The following TNRC6A variants were observed in gnomAD, a reference collection of about 807,000 sequenced individuals.
TNRC6A encodes the protein trinucleotide repeat containing adaptor 6A, also known as trinucleotide repeat-containing gene 6A protein.
A neutral mutation model predicts 221.2 loss-of-function variants in TNRC6A; 44 were observed. That is an observed-to-expected ratio of 0.20 (90% CI 0.16 to 0.26). The LOEUF (loss-of-function observed/expected upper bound fraction) is 0.26, where lower values mean the gene tolerates loss of function less well. Ranked by LOEUF, TNRC6A falls within the 10% of genes least tolerant of loss-of-function variation. The pLI, the probability that TNRC6A is intolerant of heterozygous loss-of-function variation, is 1.00. For missense variants in TNRC6A, 2,199 were observed against 2,404.4 expected, an observed-to-expected ratio of 0.91 and a Z score of 1.79; for synonymous variants, 847 against 838.5, an observed-to-expected ratio of 1.01 and a Z score of -0.18.
At chr16:24,816,794 A>G (rs759662982) in intron 19 of TNRC6A, 22 bp from the exon 20 acceptor site, 4 of 1,599,632 alleles carry the variant, frequency 2.5e-6, no homozygotes, top group South Asian at 2.3e-5. Context: ...GCTTTGAACT[A>G]ATTTTAAATT....
intron 2 of TNRC6A, among the ~76,000 whole-genome samples, chr16:24,667,979 T>G (rs1359190314): frequency 6.6e-6 from 1 of 152,090 alleles, no homozygotes; most frequent in African/African-American, 2.4e-5. Context: ...GAGCTAGGAT[T>G]GCACCACTGC....
chr16:24,649,037 T>C (rs1902471843), intron 2 of TNRC6A, among the ~76,000 whole-genome samples: 1 of 151,992 alleles, frequency 6.6e-6, no homozygotes, highest in African/African-American at 2.4e-5. Context: ...TCTCAACACT[T>C]TGGGGGACTG....
chr16:24,735,931 G>A (rs573513887), intron 2 of TNRC6A, among the ~76,000 whole-genome samples: 134 of 152,308 alleles, frequency 8.8e-4, no homozygotes, highest in Non-Finnish European at 1.6e-3. Context: ...TTGGGAGGCC[G>A]AGGTGGGCAG....
At chr16:24,643,262 T>C (rs1323690629) in intron 2 of TNRC6A, among the ~76,000 whole-genome samples, 2 of 151,220 alleles carry the variant, frequency 1.3e-5, no homozygotes, top group Non-Finnish European at 1.5e-5. Context: ...GAAGAAATCA[T>C]GCCTATTGCT....
chr16:24,651,556 A>AC (rs1249043196), intron 2 of TNRC6A, among the ~76,000 whole-genome samples: 1 of 142,726 alleles, frequency 7.0e-6, no homozygotes, highest in African/African-American at 2.8e-5. Context: ...AAAAAAAAAA[A>AC]AAAAAAAACA....
chr16:24,661,848 A>T (rs528551527), intron 2 of TNRC6A: 3 of 152,348 alleles, frequency 2.0e-5, no homozygotes, highest in South Asian at 4.1e-4. Flanking sequence ...CAGAGACACG[A>T]TCATGTTTCT....
At chr16:24,810,022 A>T (rs556707109) in intron 18 of TNRC6A, among the ~76,000 whole-genome samples, 1 of 152,360 alleles carries the variant, frequency 6.6e-6, no homozygotes, top group African/African-American at 2.4e-5. Flanking sequence ...CATGCTGGCC[A>T]GGCTGGTCTC....
chr16:24,716,597 A>C (rs1471289690), intron 2 of TNRC6A, among the ~76,000 whole-genome samples: 1 of 151,976 alleles, frequency 6.6e-6, no homozygotes, highest in East Asian at 1.9e-4. Flanking sequence ...TGCACCTGGG[A>C]GGTAGTCAAG....
chr16:24,639,203 G>T (rs113155245), intron 1 of TNRC6A, among the ~76,000 whole-genome samples: 1 of 152,114 alleles, frequency 6.6e-6, no homozygotes, highest in East Asian at 1.9e-4. Context: ...TGAGAAAGAC[G>T]GCTGCGTGTG....
At chr16:24,754,654 CT>C (rs1382042067) in intron 3 of TNRC6A, among the ~76,000 whole-genome samples, 1 of 152,012 alleles carries the variant, frequency 6.6e-6, no homozygotes. Flanking sequence ...TCCAAGGGAT[CT>C]TAAGGGAAAT....
intron 2 of TNRC6A, among the ~76,000 whole-genome samples, chr16:24,705,001 T>G (rs1382963139): frequency 6.6e-6 from 1 of 152,034 alleles, no homozygotes; most frequent in Non-Finnish European, 1.5e-5. Flanking sequence ...GAACTTAAAT[T>G]TTTTTTAATT....
intron 2 of TNRC6A, 51 bp downstream of exon 2, chr16:24,730,351 T>C: frequency 6.3e-7 from 1 of 1,587,048 alleles, no homozygotes; most frequent in Non-Finnish European, 8.6e-7. Flanking sequence ...CGTATATTTC[T>C]ACTCCGATTC....
intron 2 of TNRC6A, among the ~76,000 whole-genome samples, chr16:24,670,525 G>A (rs1439146184): frequency 6.6e-6 from 1 of 152,132 alleles, no homozygotes; most frequent in South Asian, 2.1e-4. Context: ...ATATTTAAAT[G>A]ATGTCTTAGT....
intron 18 of TNRC6A, among the ~76,000 whole-genome samples, chr16:24,813,812 A>G (rs1269386850): frequency 1.3e-5 from 2 of 152,206 alleles, no homozygotes; most frequent in East Asian, 3.8e-4. Flanking sequence ...CTGCCTCGTT[A>G]TATCATCTGT....
chr16:24,795,803 C>G, intron 8 of TNRC6A, 104 bp from the exon 9 acceptor site: 3 of 1,122,216 alleles, frequency 2.7e-6, no homozygotes, highest in Non-Finnish European at 2.5e-6. Flanking sequence ...GTTGCGATAA[C>G]TAGTAAGCGA....
At chr16:24,626,559 C>T (rs1167592341) in intron 1 of TNRC6A, among the ~76,000 whole-genome samples, 1 of 151,762 alleles carries the variant, frequency 6.6e-6, no homozygotes, top group East Asian at 1.9e-4. Context: ...CTGATGAAAT[C>T]GTAGCTCCAG....
At chr16:24,625,091 T>C (rs1324674571) in intron 1 of TNRC6A, among the ~76,000 whole-genome samples, 1 of 152,300 alleles carries the variant, frequency 6.6e-6, no homozygotes, top group East Asian at 1.9e-4. Flanking sequence ...GGTGGAGAAA[T>C]GTTATCTCTA....
In TNRC6A at chr16:24,612,819, G is replaced by A. The variant is rs1221111810; in HGVS notation, n.276+2335G>A. Among the ~76,000 whole-genome samples, 6 of 152,004 alleles carry A rather than the reference G, an allele frequency of 3.9e-5. No individual in the cohort carries two copies. In the East Asian group the frequency reaches 9.6e-4, roughly 24 times the overall value. On this transcript the variant is annotated intron_variant and non_coding_transcript_variant, in intron 1 of 2. Transcript: ENST00000566108. ...CAAGTTTGGGGCTACATTTGTGAAC[G>A]AAACAGAGACACTCTATTCTCATGG...
At position 24,826,082 on chromosome 16, in the gene TNRC6A, T is replaced by C. The variant is rs2058853470; in HGVS notation, c.*2275T>C. On this transcript the variant is annotated 3_prime_UTR_variant, in exon 25 of 25. Transcript: ENST00000395799. ...TTTGAAAAACCATGTCTGGAAATGT[T>C]TGGAGCGTTAAGCTGATTGACCTTC... The C allele has an allele frequency of 6.5e-6, 1 of 152,690 alleles. No homozygotes were observed. Among genetic ancestry groups the C allele is most frequent in the African/African-American group, 2.4e-5 (1 of 41,472 alleles). The allele number at this position is 152,690 out of a possible 1,614,324, so 9.5% of individuals were successfully genotyped here. A position where few individuals can be genotyped will look rare whatever the true frequency, so the allele number is the denominator to read the frequency against.
Sources: allele counts gnomAD v4.1 joint callset (sites outside exome capture counted in the v4.1 genomes callset), GRCh38; gene constraint gnomAD v4.1.1; transcripts MANE v1.5; gene names NCBI Gene and HGNC (gene_info 2026-07-23, HGNC 2026-07-21).